Variants in WFDC8 observed in about 807,000 individuals in gnomAD.
WFDC8 encodes WAP four-disulfide core domain protein 8.
A neutral mutation model predicts 27.0 loss-of-function variants in WFDC8; 24 were observed. The ratio of observed to expected loss-of-function variants is 0.89; its 90% CI spans 0.64 to 1.25. WFDC8 has a LOEUF of 1.25. Among genes scored for constraint, WFDC8 ranks in the 50% most tolerant of loss-of-function variants. The pLI is 0.00. For missense variants in WFDC8, 287 were observed against 295.9 expected (o/e 0.97, Z 0.22); for synonymous variants, 106 against 99.7 (o/e 1.06, Z -0.38).
intron 1 of WFDC8, among the ~76,000 whole-genome samples, chr20:45,574,456 A>C (rs996668008): frequency 7.0e-6 from 1 of 142,468 alleles, no homozygotes; most frequent in Admixed American, 7.5e-5. Context: ...AAAAATTCTC[A>C]AAAAAAAAAA....
chr20:45,570,751 A>G (rs535292030), intron 1 of WFDC8, among the ~76,000 whole-genome samples: 259 of 152,330 alleles, frequency 1.7e-3, no homozygotes, highest in Middle Eastern at 0.014. Context: ...AAGTCACAGT[A>G]CCATTTTGCA....
chr20:45,570,004 G>C (rs1029358165), intron 1 of WFDC8, among the ~76,000 whole-genome samples: 1 of 152,284 alleles, frequency 6.6e-6, no homozygotes. Context: ...TGGAGACATA[G>C]AAGGGAACAA....
At chr20:45,559,479 G>A (rs1980387977) in intron 2 of WFDC8, among the ~76,000 whole-genome samples, 1 of 152,186 alleles carries the variant, frequency 6.6e-6, no homozygotes, top group South Asian at 2.1e-4. Context: ...AGAAACAGTG[G>A]AGTGGAAGAA....
chr20:45,575,076 G>A (rs1284294702), intron 1 of WFDC8, among the ~76,000 whole-genome samples: 1 of 152,190 alleles, frequency 6.6e-6, no homozygotes, highest in African/African-American at 2.4e-5. Flanking sequence ...ATACCCAACA[G>A]TGAAAAGTTG....
At chr20:45,577,196 T>C (rs1170595742) in intron 1 of WFDC8, among the ~76,000 whole-genome samples, 1 of 151,196 alleles carries the variant, frequency 6.6e-6, no homozygotes, top group East Asian at 1.9e-4. Flanking sequence ...ATTTTTCACA[T>C]TTTTGTGCTT....
chr20:45,564,203 AC>A lies in WFDC8; in HGVS notation c.27-1985del, dbSNP rs1980564496. Reference sequence around the variant, plus strand: ...TCAGTGGGGGCTCTGAAGAACTAGGACAGACCTGGAATACTAGGACAGACCT... The same window carrying A: ...TCAGTGGGGGCTCTGAAGAACTAGGAAGACCTGGAATACTAGGACAGACCT... On this transcript the variant is annotated intron_variant, in intron 1 of 5. Coordinates refer to ENST00000289953, the MANE Select transcript of WFDC8 (RefSeq NM_130896.3). Among the ~76,000 whole-genome samples, 5 of 139,694 alleles carry A rather than the reference AC, an allele frequency of 3.6e-5. No homozygotes were observed. In the Admixed American group the frequency reaches 4.1e-4, roughly 11 times the overall value. The allele number at this position is 139,694 out of a possible 152,430, so 91.6% of individuals were successfully genotyped here.
At chr20:45,557,805 C>T (rs562889099) in intron 3 of WFDC8, among the ~76,000 whole-genome samples, 1 of 152,246 alleles carries the variant, frequency 6.6e-6, no homozygotes, top group East Asian at 1.9e-4. Context: ...CTTTTGCATC[C>T]AAAGTGCCTA....
intron 1 of WFDC8, among the ~76,000 whole-genome samples, chr20:45,565,255 A>G (rs970658828): frequency 3.9e-5 from 6 of 152,196 alleles, no homozygotes; most frequent in African/African-American, 1.4e-4. Context: ...ACCTCCGTCT[A>G]CCCATTTGAA....
At position 45,552,008 on chromosome 20, in the gene WFDC8, A is replaced by G; in HGVS notation, c.*18T>C. 1 of 1,611,756 alleles carries G rather than the reference A, an allele frequency of 6.2e-7. No homozygotes were observed. The highest frequency in any genetic ancestry group is 8.5e-7 in the Non-Finnish European group (1 of 1,178,902). ...CTCATAATTAATGATTTTGATGATAATATTTTCTACTTACTATTCAACGTC... is the reference window on the plus strand; with the variant it reads ...CTCATAATTAATGATTTTGATGATAGTATTTTCTACTTACTATTCAACGTC... On this transcript the variant is annotated 3_prime_UTR_variant, in exon 6 of 6. Transcript: ENST00000289953.
chr20:45,572,346 G>A (rs989190692), intron 1 of WFDC8, among the ~76,000 whole-genome samples: 4 of 143,186 alleles, frequency 2.8e-5, no homozygotes, highest in Non-Finnish European at 4.5e-5. Flanking sequence ...GCAGTGAGCC[G>A]AGATCGTGCC....
intron 1 of WFDC8, among the ~76,000 whole-genome samples, chr20:45,567,706 G>A (rs1980728547): frequency 6.6e-6 from 1 of 152,200 alleles, no homozygotes; most frequent in Non-Finnish European, 1.5e-5. Flanking sequence ...TAATGTGAAG[G>A]CAATTTCAAA....
At chr20:45,553,375 C>A (rs762201823) in intron 4 of WFDC8, 99 bp from the exon 5 acceptor site, 20 of 1,444,696 alleles carry the variant, frequency 1.4e-5, no homozygotes, top group Non-Finnish European at 1.7e-5. Context: ...TCCCTTTCTG[C>A]AACTTGGTTC....
intron 1 of WFDC8, among the ~76,000 whole-genome samples, chr20:45,573,078 C>T (rs957548421): frequency 2.0e-5 from 3 of 152,258 alleles, no homozygotes; most frequent in African/African-American, 7.2e-5. Flanking sequence ...TCTCTTGACT[C>T]TGTTGATTAT....
intron 1 of WFDC8, chr20:45,568,673 A>G: frequency 1.9e-6 from 1 of 537,190 alleles, no homozygotes; most frequent in African/African-American, 1.9e-5. Flanking sequence ...GACAGATAGC[A>G]GGTGAACCAC....
chr20:45,566,372 A>C (rs1980675993), intron 1 of WFDC8, among the ~76,000 whole-genome samples: 1 of 152,196 alleles, frequency 6.6e-6, no homozygotes, highest in African/African-American at 2.4e-5. Flanking sequence ...GATCAATAAC[A>C]TATTGCTAGC....
chr20:45,563,040 T>C (rs530306116), intron 1 of WFDC8, among the ~76,000 whole-genome samples: 53 of 152,294 alleles, frequency 3.5e-4, no homozygotes, highest in Middle Eastern at 6.8e-3. Context: ...GCTATGAAGG[T>C]ATCTTGGAAT....
At chr20:45,568,690 C>G (rs6104230) in intron 1 of WFDC8, 186,937 of 529,336 alleles carry the variant, frequency 0.35, 36,264 homozygotes, top group Non-Finnish European at 0.42. Context: ...CCACAAAAGT[C>G]ACCACTGCCA....
At chr20:45,565,653 AGT>A (rs1980651315) in intron 1 of WFDC8, among the ~76,000 whole-genome samples, 1 of 152,252 alleles carries the variant, frequency 6.6e-6, no homozygotes, top group Non-Finnish European at 1.5e-5. Flanking sequence ...AAGGAAAGAA[AGT>A]GTGAGTAAGA....
At chr20:45,579,191 G>A (rs1188394895) in intron 1 of WFDC8, 31 bp downstream of exon 1, 4 of 1,611,620 alleles carry the variant, frequency 2.5e-6, no homozygotes, top group East Asian at 2.2e-5. Flanking sequence ...CTCCATGTCT[G>A]GCTACCCACC....
Sources: gnomAD v4.1 joint callset for allele counts (sites outside exome capture counted in the v4.1 genomes callset) on GRCh38, gnomAD v4.1.1 for gene constraint, MANE v1.5 for transcripts, NCBI Gene and HGNC (gene_info 2026-07-23, HGNC 2026-07-21) for gene names.